EYA1: variants seen among roughly 807,000 people sequenced by gnomAD.
The protein encoded by EYA1 is protein phosphatase EYA1.
A neutral mutation model predicts 82.0 loss-of-function variants in EYA1; 16 were observed. The ratio of observed to expected loss-of-function variants is 0.20; its 90% CI spans 0.13 to 0.30. EYA1 has a LOEUF of 0.30. EYA1 is among the 10% of genes least tolerant of loss of function. The pLI is 1.00. For synonymous variants in EYA1, 261 were observed against 264.4 expected (o/e 0.99, Z 0.12); for missense variants, 633 against 730.7 (o/e 0.87, Z 1.54).
chr8:71,381,266 T>C (rs936022220), intron 2 of EYA1, among the ~76,000 whole-genome samples: 4 of 152,210 alleles, frequency 2.6e-5, no homozygotes, highest in Non-Finnish European at 4.4e-5. Flanking sequence ...CCTCGAGATA[T>C]TTAGTTAGAC....
chr8:71,498,225 C>A (rs532224823), intron 2 of EYA1, among the ~76,000 whole-genome samples: 1 of 152,246 alleles, frequency 6.6e-6, no homozygotes, highest in Admixed American at 6.5e-5. Flanking sequence ...AAAATGGTAA[C>A]TATGTGAGGT....
chr8:71,283,504 T>G (rs564343258), intron 9 of EYA1, among the ~76,000 whole-genome samples: 3 of 152,106 alleles, frequency 2.0e-5, no homozygotes, highest in South Asian at 4.2e-4. Flanking sequence ...GAACAGTGCC[T>G]GGAACATATC....
At position 71,299,096 on chromosome 8, in the gene EYA1, T is replaced by C; in HGVS notation, c.777A>G (p.Gln259=). The C allele has an allele frequency of 1.2e-6, 2 of 1,614,132 alleles. No individual in the cohort carries two copies. The highest frequency in any genetic ancestry group is 1.7e-6 in the Non-Finnish European group (2 of 1,180,012). Residue 259 remains glutamine (Q), a synonymous_variant, in exon 9 of 18, where the codon CAA becomes CAG. Transcript: ENST00000340726. ...TPSTNATYQL[Q]EPPSGITSQA... is the part of the protein sequence containing the mutation. ...GGCTGGTGATGCCAGATGGCGGTTC[T>C]TGAAGCTGGTAAGTGGCATTGGTGG...
intron 2 of EYA1, among the ~76,000 whole-genome samples, chr8:71,495,175 A>T (rs980665194): frequency 6.6e-6 from 1 of 152,264 alleles, no homozygotes; most frequent in Non-Finnish European, 1.5e-5. Context: ...CTGCTATAAA[A>T]GATAATTCTT....
chr8:71,289,214 C>G (rs2128984425), intron 9 of EYA1, among the ~76,000 whole-genome samples: 1 of 152,272 alleles, frequency 6.6e-6, no homozygotes, highest in East Asian at 1.9e-4. Flanking sequence ...AAGTAGGATA[C>G]AGGGGAAGCA....
At chr8:71,504,505 C>G (rs776837574) in intron 2 of EYA1, among the ~76,000 whole-genome samples, 10 of 152,114 alleles carry the variant, frequency 6.6e-5, no homozygotes, top group Non-Finnish European at 1.2e-4. Flanking sequence ...TATTTAAAAT[C>G]ACCTGTAAAG....
intron 9 of EYA1, among the ~76,000 whole-genome samples, chr8:71,297,381 A>C (rs1353102699): frequency 6.6e-6 from 1 of 152,156 alleles, no homozygotes; most frequent in Non-Finnish European, 1.5e-5. Context: ...AAAAAGCTCT[A>C]ATCAACCTTA....
rs868491146 is a variant in EYA1 at position 71,492,471 on chromosome 8, T to A, written c.33+43273A>T. Among the ~76,000 whole-genome samples, 454 of 118,218 alleles carry A rather than the reference T, an allele frequency of 3.8e-3. 1 individual carries two copies. Among genetic ancestry groups the A allele is most frequent in the Middle Eastern group, 0.026 (7 of 270 alleles). The allele number at this position is 118,218 out of a possible 152,430, so 77.6% of individuals were successfully genotyped here. Reference sequence around the variant, plus strand: ...GTTTATTTATTTATTTATTATTATTTTTTTTTTTTTTGAGACGGAGTCTCG... The same window carrying A: ...GTTTATTTATTTATTTATTATTATTATTTTTTTTTTTGAGACGGAGTCTCG... On this transcript the variant is annotated intron_variant, in intron 2 of 18. Transcript: ENST00000643681.
chr8:71,505,987 T>C (rs892779541), intron 2 of EYA1, among the ~76,000 whole-genome samples: 6 of 152,180 alleles, frequency 3.9e-5, no homozygotes, highest in African/African-American at 1.4e-4. Context: ...CACACACTCA[T>C]ACTCTCTCCT....
chr8:71,273,356 A>G (rs1459017692), intron 9 of EYA1, among the ~76,000 whole-genome samples: 1 of 152,218 alleles, frequency 6.6e-6, no homozygotes, highest in East Asian at 1.9e-4. Context: ...TGCATTTTTA[A>G]GCTGACTCAT....
chr8:71,450,071 T>C (rs191231205), intron 2 of EYA1, among the ~76,000 whole-genome samples: 1 of 152,310 alleles, frequency 6.6e-6, no homozygotes, highest in African/African-American at 2.4e-5. Flanking sequence ...CTAGTTTGAT[T>C]TTCTACCCAG....
At chr8:71,474,244 GGAA>G (rs1445140857) in intron 2 of EYA1, among the ~76,000 whole-genome samples, 1 of 151,004 alleles carries the variant, frequency 6.6e-6, no homozygotes, top group African/African-American at 2.4e-5. Flanking sequence ...AAAGGGAGAA[GGAA>G]GAAGAAGAAG....
intron 2 of EYA1, chr8:71,531,406 T>C (rs1814265683): frequency 6.6e-6 from 1 of 152,228 alleles, no homozygotes; most frequent in Non-Finnish European, 1.5e-5. Context: ...GTCTAAAATG[T>C]AGTTTCCAAA....
chr8:71,497,322 G>A (rs114498492), intron 2 of EYA1, among the ~76,000 whole-genome samples: 3,156 of 152,306 alleles, frequency 0.021, 87 homozygotes, highest in African/African-American at 0.072. Flanking sequence ...CGGGCCATGG[G>A]TTGGATAAGC....
chr8:71,416,831 C>A (rs762868445), intron 2 of EYA1, among the ~76,000 whole-genome samples: 3 of 152,044 alleles, frequency 2.0e-5, no homozygotes, highest in Non-Finnish European at 2.9e-5. Context: ...ATATGATGAC[C>A]CTGTGATGGT....
At chr8:71,373,237 C>A (rs936117996) in intron 2 of EYA1, among the ~76,000 whole-genome samples, 9 of 151,986 alleles carry the variant, frequency 5.9e-5, no homozygotes, top group Admixed American at 2.0e-4. Context: ...ATGTAGAAAA[C>A]CCCTTAAAGG....
At chr8:71,543,342 G>A (rs1004470984) in intron 1 of EYA1, among the ~76,000 whole-genome samples, 1 of 152,116 alleles carries the variant, frequency 6.6e-6, no homozygotes, top group Non-Finnish European at 1.5e-5. Flanking sequence ...ACTTTTTGGG[G>A]TATTGAAAGT....
chr8:71,449,703 T>C (rs1204641397), intron 2 of EYA1, among the ~76,000 whole-genome samples: 3 of 152,346 alleles, frequency 2.0e-5, no homozygotes, highest in East Asian at 3.9e-4. Context: ...AGAGTCAGCC[T>C]GACCTTTGAA....
chr8:71,312,098 C>T (rs2129016301), intron 7 of EYA1, among the ~76,000 whole-genome samples: 1 of 152,312 alleles, frequency 6.6e-6, no homozygotes, highest in Admixed American at 6.5e-5. Flanking sequence ...TGTCAAAGCA[C>T]TGACAGTGCT....
Sources: gnomAD v4.1 joint callset for allele counts (sites outside exome capture counted in the v4.1 genomes callset) on GRCh38, gnomAD v4.1.1 for gene constraint, MANE v1.5 for transcripts, NCBI Gene and HGNC (gene_info 2026-07-23, HGNC 2026-07-21) for gene names.